The following NUP188 variants were observed in gnomAD, a reference collection of about 807,000 sequenced individuals.
NUP188 encodes nucleoporin NUP188.
NUP188 carries 97 observed loss-of-function variants against 223.0 expected under a neutral mutation model. The observed-to-expected ratio is 0.43, with a 90% CI of 0.37 to 0.51. NUP188 has a LOEUF of 0.51. Ranked by LOEUF, NUP188 falls within the 20% of genes least tolerant of loss-of-function variation. The pLI is 0.00. For missense variants in NUP188, 1,947 were observed against 2,175.6 expected, an observed-to-expected ratio of 0.89 and a Z score of 2.09; for synonymous variants, 869 against 828.0, an observed-to-expected ratio of 1.05 and a Z score of -0.85.
At chr9:128,968,816 A>G (rs1588275321) in intron 9 of NUP188, 99 bp downstream of exon 9, 1 of 879,348 alleles carries the variant, frequency 1.1e-6, no homozygotes, top group East Asian at 2.4e-5. Flanking sequence ...CTTTTCACTT[A>G]ATCGGTGGGG....
chr9:128,970,956 G>GATGTGAGTTT lies in NUP188; in HGVS notation c.1113_1113+9dup. 6.2e-7 allele frequency: 1 copy of GATGTGAGTTT among 1,613,452 alleles called. No homozygotes were observed. The highest frequency in any genetic ancestry group is 8.5e-7 in the Non-Finnish European group (1 of 1,179,386). On this transcript the variant is annotated frameshift_variant and splice_region_variant, in exon 11 of 44. Transcript: ENST00000372577. LOFTEE classifies it high-confidence loss of function. The stretch of plus-strand genomic sequence containing the variant: ...CCAGTCCCTTGCCAGTGGGGGAAAT[G>GATGTGAGTTT]ATGTGAGTTTAAGGCTCTGGGTGGT...
chr9:129,003,560 CG>C (rs745997251), intron 38 of NUP188, 106 bp downstream of exon 38: 38 of 1,341,686 alleles, frequency 2.8e-5, no homozygotes, highest in Non-Finnish European at 3.9e-5. Flanking sequence ...TGTTCCTGAA[CG>C]GGGGCTTTTC....
Position 129,002,846 on chromosome 9 carries a change from T to G in NUP188, c.4167T>G (p.Asp1389Glu). 1 of 1,614,236 alleles carries G rather than the reference T, an allele frequency of 6.2e-7. No individual in the cohort carries two copies. Among genetic ancestry groups the G allele is most frequent in the Non-Finnish European group, 8.5e-7 (1 of 1,180,050 alleles). The change falls in exon 37 of 44, where the codon GAT becomes GAG. Residue 1389 changes from aspartate (D) to glutamate (E), a missense_variant. Transcript: ENST00000372577. ...CTAGTGCCTCTCGGAAGTCCCTGGA[T>G]GCCCCCTCTTGGCCAGGAGTCTACC... ...QTPSASRKSL[D>E]APSWPGVYRL...
intron 2 of NUP188, 143 bp from the exon 3 acceptor site, chr9:128,952,630 C>T (rs992003922): frequency 2.8e-5 from 15 of 543,052 alleles, no homozygotes; most frequent in East Asian, 7.1e-5. Flanking sequence ...GGCTGAGGCT[C>T]GAGAATCACT....
At chr9:128,967,369 G>A (rs909579429) in intron 8 of NUP188, among the ~76,000 whole-genome samples, 30 of 152,238 alleles carry the variant, frequency 2.0e-4, no homozygotes, top group Non-Finnish European at 3.7e-4. Context: ...ATACATTGTT[G>A]CAGCTGGGTG....
intron 8 of NUP188, 111 bp from the exon 9 acceptor site, chr9:128,968,395 G>A: frequency 1.3e-6 from 1 of 778,006 alleles, no homozygotes; most frequent in Admixed American, 2.4e-5. Context: ...ATCTGCCACT[G>A]CACTGTATCC....
At chr9:128,998,731 A>G in intron 32 of NUP188, 108 bp downstream of exon 32, 2 of 842,756 alleles carry the variant, frequency 2.4e-6, no homozygotes, top group Non-Finnish European at 3.9e-6. Context: ...CTGGTTTTCC[A>G]TCTTGAGGAA....
chr9:128,975,458 G>A (rs892925102), intron 12 of NUP188, among the ~76,000 whole-genome samples: 2 of 151,620 alleles, frequency 1.3e-5, no homozygotes, highest in Admixed American at 1.3e-4. Flanking sequence ...TCCTGACCTC[G>A]TGATCCGCCC....
intron 22 of NUP188, among the ~76,000 whole-genome samples, chr9:128,987,096 T>A (rs112882305): frequency 0.049 from 4,859 of 98,210 alleles, 62 homozygotes; most frequent in Admixed American, 0.076. Flanking sequence ...AGAGTGTGTG[T>A]GTGTGTGTGT....
At chr9:128,994,345 T>G in intron 27 of NUP188, 28 bp from the exon 28 acceptor site, 1 of 1,524,924 alleles carries the variant, frequency 6.6e-7, no homozygotes, top group Non-Finnish European at 9.1e-7. Flanking sequence ...GAAAAAGTTA[T>G]GATTTCAAAC....
chr9:128,956,922 T>C (rs1841879082), intron 4 of NUP188, 30 bp from the exon 5 acceptor site: 3 of 1,512,520 alleles, frequency 2.0e-6, no homozygotes, highest in African/African-American at 1.4e-5. Context: ...ATTTCTGAGC[T>C]GTTCCTTACT....
chr9:128,990,096 A>G (rs756016317), intron 24 of NUP188, 24 bp from the exon 25 acceptor site: 86 of 1,553,454 alleles, frequency 5.5e-5, no homozygotes, highest in Non-Finnish European at 7.5e-5. Context: ...CTTGATATCT[A>G]AACTGTTTCC....
At chr9:128,978,865 C>A (rs188943463) in intron 12 of NUP188, among the ~76,000 whole-genome samples, 1 of 152,002 alleles carries the variant, frequency 6.6e-6, no homozygotes, top group African/African-American at 2.4e-5. Context: ...TGTGCGCCAC[C>A]ACACCTGGCT....
chr9:128,955,159 CT>C (rs1841851676), intron 3 of NUP188, among the ~76,000 whole-genome samples: 1 of 152,106 alleles, frequency 6.6e-6, no homozygotes, highest in Non-Finnish European at 1.5e-5. Context: ...CCAAGCTACC[CT>C]TCTTACCACA....
chr9:128,958,948 T>A, intron 7 of NUP188, 54 bp downstream of exon 7: 1 of 1,396,614 alleles, frequency 7.2e-7, no homozygotes, highest in Non-Finnish European at 9.7e-7. Flanking sequence ...CTTAATAATT[T>A]TATTAATATT....
chr9:128,973,262 C>G lies in NUP188; in HGVS notation c.1203+13C>G. 3 of 1,606,528 alleles carry G rather than the reference C, an allele frequency of 1.9e-6. No individual in the cohort carries two copies. Among genetic ancestry groups the G allele is most frequent in the Non-Finnish European group, 2.6e-6 (3 of 1,174,828 alleles). ...GGGCAATCAGCAGGTCAGTGTCTGG[C>G]TTTCATGAAGCTGTCTCTACTGCCC... On this transcript the variant is annotated intron_variant, in intron 12 of 43. Transcript: ENST00000372577.
rs1842824827 is a variant in NUP188, at chr9:129,006,949, C to T, written c.*271C>T. On this transcript the variant is annotated 3_prime_UTR_variant, in exon 44 of 44. Transcript: ENST00000372577. ...GGAACTTTCCTTCCTTTCCAGCATT[C>T]CCCACAGCACTGCCGGCCAGGGGAG... is the stretch of plus-strand genomic sequence containing the variant. 1 of 373,086 alleles carries T rather than the reference C, an allele frequency of 2.7e-6. No individual in the cohort carries two copies. The highest frequency in any genetic ancestry group is 4.8e-6 in the Non-Finnish European group (1 of 207,460). The allele number at this position is 373,086 out of a possible 1,614,324, so 23.1% of individuals were successfully genotyped here. A position where few individuals can be genotyped will look rare whatever the true frequency, so the allele number is the denominator to read the frequency against.
intron 30 of NUP188, among the ~76,000 whole-genome samples, chr9:128,997,865 TGC>T (rs1273413793): frequency 6.6e-6 from 1 of 151,814 alleles, no homozygotes; most frequent in Non-Finnish European, 1.5e-5. Flanking sequence ...GGACTACAGG[TGC>T]GCGCCACCAT....
chr9:128,974,893 G>A (rs1042289901), intron 12 of NUP188, among the ~76,000 whole-genome samples: 2 of 151,724 alleles, frequency 1.3e-5, no homozygotes, highest in Non-Finnish European at 2.9e-5. Context: ...TGAGTAGCTG[G>A]GACTACAGGC....
Sources: allele counts gnomAD v4.1 joint callset (sites outside exome capture counted in the v4.1 genomes callset), GRCh38; gene constraint gnomAD v4.1.1; transcripts MANE v1.5; gene names NCBI Gene and HGNC (gene_info 2026-07-23, HGNC 2026-07-21).